TENM2: variants seen among roughly 807,000 people sequenced by gnomAD.
The protein encoded by TENM2 is teneurin-2.
TENM2 carries 52 observed loss-of-function variants against 245.2 expected under a neutral mutation model. The observed-to-expected ratio is 0.21, with a 90% CI of 0.17 to 0.27. TENM2 has a LOEUF of 0.27. Among genes scored for constraint, TENM2 ranks in the 10% least tolerant of loss-of-function variants. The probability of loss-of-function intolerance (pLI) is 1.00; values close to 1 mark genes in which losing one functional copy is unlikely to be tolerated. For missense variants in TENM2, 3,046 were observed against 3,666.8 expected, an observed-to-expected ratio of 0.83 and a Z score of 4.37; for synonymous variants, 1,363 against 1,438.9, an observed-to-expected ratio of 0.95 and a Z score of 1.19.
At chr5:167,869,431 A>T (rs928498578) in intron 2 of TENM2, among the ~76,000 whole-genome samples, 2 of 152,232 alleles carry the variant, frequency 1.3e-5, no homozygotes, top group African/African-American at 4.8e-5. Flanking sequence ...TGGGTATGTT[A>T]TTCACGTCCC....
At chr5:167,222,159 G>C in the TENM2 span, among the ~76,000 whole-genome samples, 10 of 152,140 alleles carry the variant, frequency 6.6e-5, no homozygotes, top group Non-Finnish European at 8.8e-5. Context: ...CTCAAAGCAC[G>C]TGCCTTAATT....
intron 5 of TENM2, among the ~76,000 whole-genome samples, chr5:168,037,918 T>G (rs1242056831): frequency 6.6e-6 from 1 of 152,194 alleles, no homozygotes; most frequent in Non-Finnish European, 1.5e-5. Context: ...ACCTCTGCCA[T>G]TCTAATGTGA....
At chr5:167,866,296 C>T (rs1583226564) in intron 2 of TENM2, among the ~76,000 whole-genome samples, 1 of 152,034 alleles carries the variant, frequency 6.6e-6, no homozygotes. Flanking sequence ...GTCAGGAGTT[C>T]GAGACCAGCC....
chr5:167,194,884 C>A, the TENM2 span, among the ~76,000 whole-genome samples: 1 of 151,980 alleles, frequency 6.6e-6, no homozygotes, highest in Admixed American at 6.6e-5. Context: ...GCCTTTGATT[C>A]TAAATTATAC....
rs78416733 is a variant in TENM2, at chr5:168,162,354, T to C, written c.2423-257T>C. On this transcript the variant is annotated intron_variant, in intron 12 of 28. Coordinates refer to ENST00000518659, the Ensembl canonical transcript of TENM2. ...CTGGTTTAGTTGTCTGGGATGTGCA[T>C]TGAACTCCCCGCTTTGGGAAGGTTG... is the stretch of plus-strand genomic sequence containing the variant. 6.1e-3 allele frequency among the ~76,000 whole-genome samples: 932 copies of C among 152,342 alleles called. 12 individuals carry two copies. The highest frequency in any genetic ancestry group is 0.02 in the African/African-American group (838 of 41,570).
At chr5:167,387,632 C>G (rs557597815) in intron 2 of TENM2, among the ~76,000 whole-genome samples, 11 of 152,170 alleles carry the variant, frequency 7.2e-5, no homozygotes, top group Admixed American at 7.2e-4. Flanking sequence ...TTTCCCCATT[C>G]AGTATTATGT....
intron 1 of TENM2, among the ~76,000 whole-genome samples, chr5:167,322,852 AGC>A (rs1418299876): frequency 6.6e-6 from 1 of 152,242 alleles, no homozygotes; most frequent in African/African-American, 2.4e-5. Flanking sequence ...TCATCTTAAT[AGC>A]TCCGATCACT....
chr5:167,683,068 A>G (rs1756840738), intron 2 of TENM2, among the ~76,000 whole-genome samples: 1 of 152,212 alleles, frequency 6.6e-6, no homozygotes, highest in Admixed American at 6.5e-5. Context: ...AGCACATGAC[A>G]TCTGTTTAAT....
At chr5:167,425,230 G>A (rs1334388848) in intron 2 of TENM2, among the ~76,000 whole-genome samples, 3 of 152,132 alleles carry the variant, frequency 2.0e-5, no homozygotes, top group Admixed American at 6.5e-5. Context: ...TGCAATTCTC[G>A]TGACTGATAA....
intron 2 of TENM2, among the ~76,000 whole-genome samples, chr5:167,705,300 G>A (rs1758428471): frequency 6.6e-6 from 1 of 152,124 alleles, no homozygotes; most frequent in Admixed American, 6.5e-5. Flanking sequence ...CCAGCTAATG[G>A]ATGAGCAAAT....
At chr5:168,213,105 G>C (rs1006213460) in intron 20 of TENM2, among the ~76,000 whole-genome samples, 1 of 152,154 alleles carries the variant, frequency 6.6e-6, no homozygotes, top group African/African-American at 2.4e-5. Context: ...AAAATGGCAT[G>C]AATTTTTCCC....
At chr5:167,146,831 A>G in the TENM2 span, among the ~76,000 whole-genome samples, 2 of 152,086 alleles carry the variant, frequency 1.3e-5, no homozygotes, top group Non-Finnish European at 2.9e-5. Context: ...CCTAAAATAA[A>G]TTTTCTTGGG....
chr5:167,718,096 C>T (rs901705849), intron 2 of TENM2, among the ~76,000 whole-genome samples: 5 of 152,112 alleles, frequency 3.3e-5, no homozygotes, highest in East Asian at 1.9e-4. Context: ...TTGTTATTTC[C>T]GGAATCAAAG....
intron 2 of TENM2, among the ~76,000 whole-genome samples, chr5:167,791,475 T>G (rs62382822): frequency 7.4e-6 from 1 of 134,718 alleles, no homozygotes; most frequent in African/African-American, 2.7e-5. Context: ...TATTTATAAT[T>G]TATTATATAT....
chr5:167,773,978 G>T (rs1329414731), intron 2 of TENM2, among the ~76,000 whole-genome samples: 1 of 152,070 alleles, frequency 6.6e-6, no homozygotes, highest in African/African-American at 2.4e-5. Context: ...AAGCTGAAGG[G>T]TTCTCGACTG....
At chr5:167,900,141 G>C (rs1020549572) in intron 3 of TENM2, among the ~76,000 whole-genome samples, 36 of 130,296 alleles carry the variant, frequency 2.8e-4, no homozygotes, top group South Asian at 1.1e-3. Flanking sequence ...AAAGGGGGGG[G>C]GGGTTTTGGA....
At chr5:167,714,281 GAAGA>G (rs1759105946) in intron 2 of TENM2, among the ~76,000 whole-genome samples, 1 of 152,222 alleles carries the variant, frequency 6.6e-6, no homozygotes, top group Non-Finnish European at 1.5e-5. Context: ...GCACTAGACT[GAAGA>G]AAGAGAGTTT....
At chr5:168,211,207 G>A (rs1762779954) in intron 19 of TENM2, among the ~76,000 whole-genome samples, 1 of 152,100 alleles carries the variant, frequency 6.6e-6, no homozygotes, top group Non-Finnish European at 1.5e-5. Context: ...CTGTGAGCAG[G>A]GTCTCTCTCT....
At chr5:167,278,500 G>A in the TENM2 span, among the ~76,000 whole-genome samples, 5 of 151,736 alleles carry the variant, frequency 3.3e-5, no homozygotes, top group East Asian at 1.9e-4. Flanking sequence ...TGTACTTTTC[G>A]TATCTCTGTT....
Sources: allele counts gnomAD v4.1 joint callset (sites outside exome capture counted in the v4.1 genomes callset), GRCh38; gene constraint gnomAD v4.1.1; transcripts MANE v1.5; gene names NCBI Gene and HGNC (gene_info 2026-07-23, HGNC 2026-07-21).